Variants in C8B observed in about 807,000 individuals in gnomAD.
C8B encodes complement C8 beta chain.
Under a neutral mutation model 64.6 loss-of-function variants are expected in C8B, and 67 were observed. The observed-to-expected ratio is 1.04, with a 90% CI of 0.85 to 1.27. The LOEUF (loss-of-function observed/expected upper bound fraction) is 1.27. C8B is among the 50% of genes most tolerant of loss of function. The pLI, the probability that C8B is intolerant of heterozygous loss-of-function variation, is 0.00. For synonymous variants in C8B, 284 were observed against 257.7 expected, an observed-to-expected ratio of 1.10 and a Z score of -0.98; for missense variants, 790 against 725.2, an observed-to-expected ratio of 1.09 and a Z score of -1.03.
chr1:56,947,016 A>G (rs1644889055), intron 6 of C8B, among the ~76,000 whole-genome samples: 1 of 152,154 alleles, frequency 6.6e-6, no homozygotes, highest in African/African-American at 2.4e-5. Flanking sequence ...CTAAATAAGC[A>G]GTCACTAGGT....
At chr1:56,964,533 C>A (rs757319748) in intron 1 of C8B, among the ~76,000 whole-genome samples, 3 of 152,176 alleles carry the variant, frequency 2.0e-5, no homozygotes, top group Non-Finnish European at 4.4e-5. Context: ...CCTGGCACAC[C>A]TTTCAACCCC....
chr1:56,930,920 A>G (rs1644692361), intron 11 of C8B, among the ~76,000 whole-genome samples: 1 of 152,200 alleles, frequency 6.6e-6, no homozygotes, highest in African/African-American at 2.4e-5. Context: ...GGTTGTTAAT[A>G]TGATCATATT....
intron 8 of C8B, among the ~76,000 whole-genome samples, chr1:56,943,080 A>G (rs1570384032): frequency 6.6e-6 from 1 of 151,710 alleles, no homozygotes; most frequent in Non-Finnish European, 1.5e-5. Flanking sequence ...TCTCAAAAAA[A>G]TAAAAATAAA....
chr1:56,958,066 C>A (rs775234318), intron 2 of C8B, among the ~76,000 whole-genome samples: 21 of 152,058 alleles, frequency 1.4e-4, no homozygotes, highest in African/African-American at 5.1e-4. Flanking sequence ...TAAAAAGATT[C>A]ATTGTGGCTG....
chr1:56,952,208 G>A (rs2101435180), intron 4 of C8B, 28 bp from the exon 5 acceptor site: 1 of 1,613,590 alleles, frequency 6.2e-7, no homozygotes, highest in South Asian at 1.1e-5. Context: ...AGATGGCGAA[G>A]AGGTTAAAGT....
At chr1:56,942,234 A>G (rs1045151385) in intron 8 of C8B, among the ~76,000 whole-genome samples, 2 of 144,256 alleles carry the variant, frequency 1.4e-5, no homozygotes, top group Non-Finnish European at 3.0e-5. Flanking sequence ...TGAGATGACA[A>G]TTGTGGGAAA....
At chr1:56,934,492 A>T (rs1437754232) in intron 9 of C8B, among the ~76,000 whole-genome samples, 5 of 152,146 alleles carry the variant, frequency 3.3e-5, no homozygotes, top group African/African-American at 1.2e-4. Context: ...AAAATGTTCT[A>T]TTCCTCTTGG....
At chr1:56,958,300 T>C (rs750224798) in intron 2 of C8B, among the ~76,000 whole-genome samples, 5 of 152,196 alleles carry the variant, frequency 3.3e-5, no homozygotes, top group Non-Finnish European at 7.3e-5. Context: ...CAAGCCAGGA[T>C]AGCAGCCCCT....
At chr1:56,941,696 A>G (rs1336167180) in intron 8 of C8B, among the ~76,000 whole-genome samples, 3 of 152,210 alleles carry the variant, frequency 2.0e-5, no homozygotes, top group Non-Finnish European at 4.4e-5. Flanking sequence ...CGTACCTGGA[A>G]TTGTTAAGTG....
At chr1:56,956,337 T>C (rs1432243142) in intron 3 of C8B, among the ~76,000 whole-genome samples, 3 of 152,192 alleles carry the variant, frequency 2.0e-5, no homozygotes, top group African/African-American at 7.2e-5. Flanking sequence ...ACATCACCCC[T>C]AATTTTCAGT....
At chr1:56,939,128 G>T (rs575200413) in intron 9 of C8B, among the ~76,000 whole-genome samples, 1 of 152,158 alleles carries the variant, frequency 6.6e-6, no homozygotes, top group South Asian at 2.1e-4. Flanking sequence ...GAATTCATTT[G>T]GTTCTCAGTT....
Position 56,929,369 on chromosome 1 carries a change from C to T in C8B, c.*35G>A, listed in dbSNP as rs768323563. On this transcript the variant is annotated 3_prime_UTR_variant, in exon 12 of 12. Coordinates refer to ENST00000371237, the MANE Select transcript of C8B (RefSeq NM_000066.4). ...GGCATGAGTTCTTGAGGGCTCAGGG[C>T]TCTCATTGTATGTAGCCCACTGCTG... is the stretch of plus-strand genomic sequence containing the variant. 1.2e-6 allele frequency: 2 copies of T among 1,610,924 alleles called. No individual in the cohort carries two copies. The highest frequency in any genetic ancestry group is 1.1e-5 in the South Asian group (1 of 90,974).
chr1:56,957,879 T>G (rs1645125002), intron 2 of C8B, among the ~76,000 whole-genome samples: 1 of 151,916 alleles, frequency 6.6e-6, no homozygotes, highest in South Asian at 2.1e-4. Flanking sequence ...GAAGCCCAAG[T>G]GGAAGGCTTT....
intron 1 of C8B, among the ~76,000 whole-genome samples, chr1:56,962,694 T>C (rs1465674104): frequency 6.6e-6 from 1 of 152,246 alleles, no homozygotes; most frequent in African/African-American, 2.4e-5. Context: ...TTTTTGTAAA[T>C]TTTTAATTTT....
At chr1:56,950,021 T>C (rs1570393704) in intron 5 of C8B, among the ~76,000 whole-genome samples, 1 of 152,284 alleles carries the variant, frequency 6.6e-6, no homozygotes, top group South Asian at 2.1e-4. Context: ...CATTCTGGGC[T>C]GTGGGCTCAG....
chr1:56,960,580 C>T (rs762446361), intron 1 of C8B, among the ~76,000 whole-genome samples: 1 of 152,164 alleles, frequency 6.6e-6, no homozygotes, highest in Non-Finnish European at 1.5e-5. Flanking sequence ...CAGTGGGAGT[C>T]AGGAGAGCCT....
chr1:56,962,862 T>TTAC (rs1645197791), intron 1 of C8B, among the ~76,000 whole-genome samples: 1 of 152,212 alleles, frequency 6.6e-6, no homozygotes. Context: ...TTATTCATAC[T>TTAC]TACACATATG....
At chr1:56,964,326 T>C (rs576038688) in intron 1 of C8B, among the ~76,000 whole-genome samples, 6 of 152,246 alleles carry the variant, frequency 3.9e-5, no homozygotes, top group Non-Finnish European at 7.4e-5. Flanking sequence ...GGTGAGGATA[T>C]AGTTCAAGTT....
At chr1:56,935,885 TG>T (rs1346298747) in intron 9 of C8B, among the ~76,000 whole-genome samples, 2 of 152,214 alleles carry the variant, frequency 1.3e-5, no homozygotes, top group Non-Finnish European at 2.9e-5. Flanking sequence ...TACACCAAAT[TG>T]GTGGCATAAG....
Sources: allele counts gnomAD v4.1 joint callset (sites outside exome capture counted in the v4.1 genomes callset), GRCh38; gene constraint gnomAD v4.1.1; transcripts MANE v1.5; gene names NCBI Gene and HGNC (gene_info 2026-07-23, HGNC 2026-07-21).